The following ST8SIA2 variants were observed in gnomAD, a reference collection of about 807,000 sequenced individuals.
ST8SIA2 encodes the protein alpha-2,8-sialyltransferase 8B.
A neutral mutation model predicts 37.6 loss-of-function variants in ST8SIA2; 22 were observed. The ratio of observed to expected loss-of-function variants is 0.58; its 90% CI spans 0.42 to 0.83. The LOEUF is 0.83. Among genes scored for constraint, ST8SIA2 ranks in the 40% least tolerant of loss-of-function variants. The pLI, the probability that ST8SIA2 is intolerant of heterozygous loss-of-function variation, is 0.00. For missense variants in ST8SIA2, 382 were observed against 484.7 expected, an observed-to-expected ratio of 0.79 and a Z score of 1.99; for synonymous variants, 205 against 201.2, an observed-to-expected ratio of 1.02 and a Z score of -0.16.
At chr15:92,412,882 T>G (rs2049559628) in intron 1 of ST8SIA2, among the ~76,000 whole-genome samples, 1 of 152,220 alleles carries the variant, frequency 6.6e-6, no homozygotes, top group Non-Finnish European at 1.5e-5. Context: ...GGTATCAAAC[T>G]CTTGGCCTCA....
chr15:92,403,538 G>A (rs1480192133), intron 1 of ST8SIA2, among the ~76,000 whole-genome samples: 1 of 152,172 alleles, frequency 6.6e-6, no homozygotes, highest in Non-Finnish European at 1.5e-5. Flanking sequence ...ACTCTACCTG[G>A]GGAGGTGTGA....
chr15:92,424,844 T>A (rs2049664006), intron 1 of ST8SIA2, among the ~76,000 whole-genome samples: 2 of 152,166 alleles, frequency 1.3e-5, no homozygotes, highest in South Asian at 4.1e-4. Context: ...ACTCCTGACC[T>A]CAGGTGATCC....
intron 1 of ST8SIA2, among the ~76,000 whole-genome samples, chr15:92,421,904 C>T (rs2049637476): frequency 6.6e-6 from 1 of 152,150 alleles, no homozygotes; most frequent in African/African-American, 2.4e-5. Flanking sequence ...AAATCATGTG[C>T]CCTCCCCCAC....
chr15:92,425,356 C>T (rs183322632), intron 1 of ST8SIA2, among the ~76,000 whole-genome samples: 1 of 152,202 alleles, frequency 6.6e-6, no homozygotes, highest in Admixed American at 6.5e-5. Context: ...AAATAATGTG[C>T]GGGAACACAG....
At chr15:92,400,818 C>T (rs1567209234) in intron 1 of ST8SIA2, among the ~76,000 whole-genome samples, 1 of 152,122 alleles carries the variant, frequency 6.6e-6, no homozygotes. Context: ...TCCATAGTGG[C>T]GTTGAGAGCA....
Position 92,438,502 on chromosome 15 carries a change from C to T in ST8SIA2, c.440C>T (p.Ser147Leu), listed in dbSNP as rs1232323398. ...QNLYELLPRT[S>L]PLKNKHFGTC... is the part of the protein sequence containing the mutation. ...CTCTACGAGCTCCTCCCCAGGACTT[C>T]GCCACTGAAGAATAAGCACTTTGGG... Residue 147 changes from serine to leucine, a missense_variant, in exon 4 of 6, where the codon TCG becomes TTG. By Grantham distance (145) the Ser-to-Leu change is moderately radical. Transcript: ENST00000268164. The T allele has an allele frequency of 5.0e-6, 8 of 1,614,070 alleles. No individual in the cohort carries two copies. The highest frequency in any genetic ancestry group is 1.6e-4 in the Middle Eastern group (1 of 6,084).
intron 1 of ST8SIA2, among the ~76,000 whole-genome samples, chr15:92,407,587 T>C (rs975841425): frequency 6.6e-5 from 10 of 152,062 alleles, no homozygotes; most frequent in Non-Finnish European, 1.3e-4. Context: ...GGTTCCTGAG[T>C]GGATCTGGTG....
intron 5 of ST8SIA2, 40 bp downstream of exon 5, chr15:92,444,969 G>A: frequency 6.2e-7 from 1 of 1,602,280 alleles, no homozygotes; most frequent in South Asian, 1.1e-5. Context: ...CCGTCACTAA[G>A]TGTGGGAGAT....
intron 1 of ST8SIA2, among the ~76,000 whole-genome samples, chr15:92,416,858 C>T (rs139718824): frequency 5.5e-4 from 84 of 152,320 alleles, no homozygotes; most frequent in Admixed American, 1.4e-3. Flanking sequence ...GCACTCCATC[C>T]ATGAAAGCTG....
At chr15:92,459,642 C>T (rs578030792) in intron 5 of ST8SIA2, among the ~76,000 whole-genome samples, 114 of 152,296 alleles carry the variant, frequency 7.5e-4, no homozygotes, top group Non-Finnish European at 1.3e-3. Flanking sequence ...TCTTGTCACC[C>T]AGACTGGAGG....
At chr15:92,443,423 C>T (rs1288025489) in intron 4 of ST8SIA2, among the ~76,000 whole-genome samples, 1 of 152,220 alleles carries the variant, frequency 6.6e-6, no homozygotes, top group Non-Finnish European at 1.5e-5. Flanking sequence ...CTCACCCAGG[C>T]AGCCTGATTG....
chr15:92,408,986 G>A (rs531863664), intron 1 of ST8SIA2, among the ~76,000 whole-genome samples: 4 of 152,264 alleles, frequency 2.6e-5, no homozygotes, highest in East Asian at 1.9e-4. Flanking sequence ...TTACAGGCAT[G>A]AGCTACCATG....
At position 92,453,826 on chromosome 15, in the gene ST8SIA2, T is replaced by C. The variant is rs1430835296; in HGVS notation, c.842+8897T>C. ...TGTGCTGGGGGAATAAAAAAGTCAA[T>C]AGAACAAGGCTCCTGCCCTCCATTG... is the stretch of plus-strand genomic sequence containing the variant. On this transcript the variant is annotated intron_variant, in intron 5 of 5. Transcript: ENST00000268164. 2.0e-5 allele frequency among the ~76,000 whole-genome samples: 3 copies of C among 152,154 alleles called. No individual in the cohort carries two copies. In the East Asian group the frequency reaches 5.8e-4, roughly 29 times the overall value.
chr15:92,430,755 G>A (rs143281249), intron 2 of ST8SIA2, among the ~76,000 whole-genome samples: 36 of 152,242 alleles, frequency 2.4e-4, no homozygotes, highest in African/African-American at 8.7e-4. Context: ...CCATAGCTAT[G>A]GCCTGTAGTC....
intron 5 of ST8SIA2, among the ~76,000 whole-genome samples, chr15:92,445,558 C>T (rs1443504814): frequency 6.6e-6 from 1 of 152,166 alleles, no homozygotes; most frequent in Non-Finnish European, 1.5e-5. Context: ...AGGAGCGTCT[C>T]TTAGGATATG....
intron 1 of ST8SIA2, among the ~76,000 whole-genome samples, chr15:92,426,734 T>C (rs1237203434): frequency 2.0e-5 from 3 of 152,202 alleles, no homozygotes; most frequent in Non-Finnish European, 2.9e-5. Context: ...CAGTTAATAA[T>C]ACTGTATTGT....
Position 92,438,496 on chromosome 15 carries a change from G to T in ST8SIA2, c.434G>T (p.Arg145Met). ...CAGAACCTCTACGAGCTCCTCCCCAGGACTTCGCCACTGAAGAATAAGCAC... is the reference window on the plus strand; with the variant it reads ...CAGAACCTCTACGAGCTCCTCCCCATGACTTCGCCACTGAAGAATAAGCAC... ...VSQNLYELLP[R>M]TSPLKNKHFG... Residue 145 changes from arginine (R) to methionine (M), a missense_variant, in exon 4 of 6, where the codon AGG becomes ATG. Physicochemically the swap from Arg to Met is moderately conservative, Grantham distance 91. Coordinates refer to ENST00000268164, the MANE Select transcript of ST8SIA2 (RefSeq NM_006011.4). The T allele has an allele frequency of 6.2e-7, 1 of 1,614,184 alleles. No homozygotes were observed. Among genetic ancestry groups the T allele is most frequent in the Non-Finnish European group, 8.5e-7 (1 of 1,180,042 alleles).
chr15:92,458,165 G>T (rs897858634), intron 5 of ST8SIA2, among the ~76,000 whole-genome samples: 1 of 152,244 alleles, frequency 6.6e-6, no homozygotes, highest in Non-Finnish European at 1.5e-5. Flanking sequence ...TCACTCACTC[G>T]CAAACTGTGA....
At chr15:92,423,506 A>G (rs1483672117) in intron 1 of ST8SIA2, among the ~76,000 whole-genome samples, 1 of 152,234 alleles carries the variant, frequency 6.6e-6, no homozygotes, top group Non-Finnish European at 1.5e-5. Context: ...GACAGAACAA[A>G]TTTATTTCTC....
Sources: gnomAD v4.1 joint callset for allele counts (sites outside exome capture counted in the v4.1 genomes callset) on GRCh38, gnomAD v4.1.1 for gene constraint, MANE v1.5 for transcripts, NCBI Gene and HGNC (gene_info 2026-07-23, HGNC 2026-07-21) for gene names.